Variants in MAP4K3 observed in about 807,000 individuals in gnomAD.
MAP4K3 encodes the protein MAPK/ERK kinase kinase kinase 3.
MAP4K3 carries 94 observed loss-of-function variants against 143.5 expected under a neutral mutation model. The ratio of observed to expected loss-of-function variants is 0.65; its 90% CI spans 0.55 to 0.78. The LOEUF (loss-of-function observed/expected upper bound fraction) is 0.78. Ranked by LOEUF, MAP4K3 falls within the 30% of genes least tolerant of loss-of-function variation. The pLI, the probability that MAP4K3 is intolerant of heterozygous loss-of-function variation, is 0.00. For synonymous variants in MAP4K3, 416 were observed against 347.2 expected (o/e 1.20, Z -2.20); for missense variants, 1,077 against 1,068.1 (o/e 1.01, Z -0.12).
intron 3 of MAP4K3, among the ~76,000 whole-genome samples, chr2:39,355,328 T>C (rs1573190852): frequency 8.2e-6 from 1 of 121,292 alleles, no homozygotes; most frequent in Non-Finnish European, 1.6e-5. Flanking sequence ...ACCACTGCAC[T>C]CCAGCCTAGT....
intron 1 of MAP4K3, among the ~76,000 whole-genome samples, chr2:39,433,014 A>G (rs1164265958): frequency 6.6e-6 from 1 of 152,252 alleles, no homozygotes; most frequent in Non-Finnish European, 1.5e-5. Context: ...CTAATAGTCA[A>G]GTAAGTTTGG....
intron 3 of MAP4K3, 64 bp downstream of exon 3, chr2:39,356,180 CTTTAT>C (rs1665605280): frequency 1.1e-6 from 1 of 901,432 alleles, no homozygotes; most frequent in African/African-American, 1.7e-5. Context: ...TTAAAACTAA[CTTTAT>C]TTTGTTTAAT....
intron 16 of MAP4K3, among the ~76,000 whole-genome samples, chr2:39,295,015 T>C (rs1265078100): frequency 1.3e-5 from 2 of 151,758 alleles, no homozygotes; most frequent in African/African-American, 2.4e-5. Context: ...TGTCTTCTAT[T>C]AAGGCAATGT....
intron 3 of MAP4K3, among the ~76,000 whole-genome samples, chr2:39,343,703 T>A (rs1464123753): frequency 6.6e-6 from 1 of 152,144 alleles, no homozygotes; most frequent in African/African-American, 2.4e-5. Context: ...CACATCCAAA[T>A]AATGAAAATA....
At chr2:39,317,578 T>C (rs1035826640) in intron 12 of MAP4K3, among the ~76,000 whole-genome samples, 5 of 151,848 alleles carry the variant, frequency 3.3e-5, no homozygotes, top group Non-Finnish European at 7.4e-5. Context: ...AACAACTCTA[T>C]TAAAAAGTGG....
chr2:39,334,483 GA>G (rs1683794814), intron 6 of MAP4K3, among the ~76,000 whole-genome samples: 1 of 152,088 alleles, frequency 6.6e-6, no homozygotes, highest in Non-Finnish European at 1.5e-5. Context: ...TGTCACCAGT[GA>G]AGCTGAGCTG....
chr2:39,296,539 T>G (rs939122777), intron 16 of MAP4K3, among the ~76,000 whole-genome samples: 1 of 152,136 alleles, frequency 6.6e-6, no homozygotes, highest in Non-Finnish European at 1.5e-5. Context: ...AATGAAACAA[T>G]GTACAAACAG....
intron 1 of MAP4K3, among the ~76,000 whole-genome samples, chr2:39,430,479 G>A (rs961345317): frequency 1.3e-5 from 2 of 151,464 alleles, no homozygotes; most frequent in Non-Finnish European, 2.9e-5. Context: ...ACCTAAAGCA[G>A]AAAAGAAATA....
At chr2:39,387,621 A>G (rs1666543395) in intron 1 of MAP4K3, among the ~76,000 whole-genome samples, 1 of 152,246 alleles carries the variant, frequency 6.6e-6, no homozygotes, top group Non-Finnish European at 1.5e-5. Flanking sequence ...CTTTGGGCAT[A>G]AAGTGAAGTT....
At chr2:39,285,092 A>G (rs1281643674) in intron 21 of MAP4K3, among the ~76,000 whole-genome samples, 6 of 151,860 alleles carry the variant, frequency 4.0e-5, no homozygotes, top group Non-Finnish European at 7.4e-5. Flanking sequence ...GGGTTTTGCT[A>G]TGTTGCCCAG....
At chr2:39,345,824 A>T (rs1210182750) in intron 3 of MAP4K3, among the ~76,000 whole-genome samples, 1 of 146,662 alleles carries the variant, frequency 6.8e-6, no homozygotes, top group Non-Finnish European at 1.5e-5. Context: ...CGGGAGACTG[A>T]GGCAGGAGAA....
At chr2:39,282,275 A>G (rs1462719561) in intron 22 of MAP4K3, among the ~76,000 whole-genome samples, 1 of 152,148 alleles carries the variant, frequency 6.6e-6, no homozygotes, top group African/African-American at 2.4e-5. Flanking sequence ...AGGTGGGCAG[A>G]TCACTTGAGG....
chr2:39,401,945 T>C (rs960971406), intron 1 of MAP4K3, among the ~76,000 whole-genome samples: 6 of 152,138 alleles, frequency 3.9e-5, no homozygotes, highest in African/African-American at 1.4e-4. Flanking sequence ...TAGAAATTAA[T>C]AATCATGTAA....
At chr2:39,342,269 G>A (rs1045218159) in intron 4 of MAP4K3, among the ~76,000 whole-genome samples, 4 of 152,028 alleles carry the variant, frequency 2.6e-5, no homozygotes, top group Non-Finnish European at 4.4e-5. Flanking sequence ...CTTTGGAGTA[G>A]CTAGGATTAC....
chr2:39,348,510 A>G (rs1443450371), intron 3 of MAP4K3, among the ~76,000 whole-genome samples: 1 of 152,196 alleles, frequency 6.6e-6, no homozygotes, highest in Non-Finnish European at 1.5e-5. Flanking sequence ...CTTTCTTATA[A>G]TGACAAATCT....
At position 39,258,555 on chromosome 2, in the gene MAP4K3, G is replaced by C; in HGVS notation, c.2341C>G (p.Gln781Glu). The change falls in exon 30 of 34, where the codon CAA (glutamine) becomes GAA (glutamate). Residue 781 changes from glutamine to glutamate, a missense_variant. Physicochemically the swap from Gln to Glu is conservative, Grantham distance 29 (BLOSUM62 2). Around this residue, in one of 2 missense-constraint regions of MAP4K3, gnomAD observed 864 missense variants for 801.2 expected, o/e 1.08. Transcript: ENST00000263881. The part of the protein sequence containing the change: ...TPQTNVTHVT[Q>E]LERDTILVCL... ...ACAAGGATGGTATCTCTCTCCAGTT[G>C]GGTTACATGAGTAACATTTGTCTGT... 2 of 1,613,650 alleles carry C rather than the reference G, an allele frequency of 1.2e-6. No individual in the cohort carries two copies.
In MAP4K3 at chr2:39,288,116, A is replaced by G. The variant is rs56309850; in HGVS notation, c.1474+5T>C. ...AACATATTTGCTGTCACCCTCCACC[A>G]TTACCTAAGGCAACAGGTTTGTGTG... On this transcript the variant is annotated splice_donor_5th_base_variant and intron_variant, in intron 20 of 33. Coordinates refer to ENST00000263881, the MANE Select transcript of MAP4K3 (RefSeq NM_003618.4). 7,097 of 1,613,760 alleles carry G rather than the reference A, an allele frequency of 4.4e-3. 30 individuals carry two copies. The highest frequency in any genetic ancestry group is 4.9e-3 in the Middle Eastern group (30 of 6,062).
intron 1 of MAP4K3, among the ~76,000 whole-genome samples, chr2:39,398,299 A>C (rs1304781884): frequency 6.6e-6 from 1 of 152,136 alleles, no homozygotes; most frequent in African/African-American, 2.4e-5. Flanking sequence ...ATAGTAAAAA[A>C]AGAAAAAAAA....
At chr2:39,282,433 CAG>C in intron 22 of MAP4K3, 78 bp downstream of exon 22, 1 of 1,164,110 alleles carries the variant, frequency 8.6e-7, no homozygotes, top group Non-Finnish European at 1.3e-6. Context: ...TTCTTTCAAA[CAG>C]ACAAAAAAAC....
Sources: gnomAD v4.1 joint callset for allele counts (sites outside exome capture counted in the v4.1 genomes callset) on GRCh38, gnomAD v4.1.1 for gene constraint, gnomAD v4.1.1 regional missense constraint, MANE v1.5 for transcripts, NCBI Gene and HGNC (gene_info 2026-07-23, HGNC 2026-07-21) for gene names.